The following GALNTL6 variants were observed in gnomAD, a reference collection of about 807,000 sequenced individuals.
GALNTL6 encodes the protein polypeptide N-acetylgalactosaminyltransferase like 6, also known as polypeptide N-acetylgalactosaminyltransferase-like 6.
GALNTL6 carries 46 observed loss-of-function variants against 73.7 expected under a neutral mutation model. The observed-to-expected ratio is 0.62, with a 90% CI of 0.49 to 0.80. The LOEUF (loss-of-function observed/expected upper bound fraction) is 0.80, where lower values mean the gene tolerates loss of function less well. Ranked by LOEUF, GALNTL6 falls within the 30% of genes least tolerant of loss-of-function variation. GALNTL6 has a pLI of 0.00. For missense variants in GALNTL6, 604 were observed against 755.0 expected, an observed-to-expected ratio of 0.80 and a Z score of 2.34; for synonymous variants, 259 against 263.7, an observed-to-expected ratio of 0.98 and a Z score of 0.17.
At chr4:172,429,193 A>G (rs934293046) in intron 5 of GALNTL6, among the ~76,000 whole-genome samples, 3 of 141,930 alleles carry the variant, frequency 2.1e-5, no homozygotes, top group Non-Finnish European at 4.5e-5. Context: ...ATTTTATTTT[A>G]TATTATTTTA....
intron 2 of GALNTL6, among the ~76,000 whole-genome samples, chr4:171,820,513 T>C: frequency 6.6e-6 from 1 of 152,234 alleles, no homozygotes; most frequent in East Asian, 1.9e-4. Context: ...CACCCAACTG[T>C]TTTGTTTTCA....
intron 5 of GALNTL6, among the ~76,000 whole-genome samples, chr4:172,420,473 T>C (rs756086592): frequency 1.8e-4 from 28 of 152,218 alleles, no homozygotes; most frequent in Non-Finnish European, 3.7e-4. Context: ...TTTAAGTGAT[T>C]TAGTATGAAT....
intron 5 of GALNTL6, among the ~76,000 whole-genome samples, chr4:172,421,366 T>G (rs1731048031): frequency 6.6e-6 from 1 of 152,032 alleles, no homozygotes; most frequent in Non-Finnish European, 1.5e-5. Context: ...GCTCAGTAAT[T>G]GATAGCTATA....
chr4:172,594,237 T>A (rs531075672), intron 5 of GALNTL6, among the ~76,000 whole-genome samples: 29 of 151,886 alleles, frequency 1.9e-4, no homozygotes, highest in Non-Finnish European at 3.8e-4. Context: ...TCCCAGCTAC[T>A]CGGGAGGCTG....
intron 5 of GALNTL6, among the ~76,000 whole-genome samples, chr4:172,756,395 G>A (rs954444807): frequency 4.0e-4 from 61 of 152,266 alleles, no homozygotes; most frequent in African/African-American, 1.3e-3. Context: ...TGTAATCCCA[G>A]CATTTTAGGA....
chr4:172,416,352 C>T (rs1334887573), intron 5 of GALNTL6, among the ~76,000 whole-genome samples: 2 of 152,152 alleles, frequency 1.3e-5, no homozygotes, highest in Non-Finnish European at 2.9e-5. Flanking sequence ...AGAATTCCGG[C>T]TTACATCTAG....
intron 5 of GALNTL6, among the ~76,000 whole-genome samples, chr4:172,539,483 T>TGTC (rs939797872): frequency 3.3e-5 from 5 of 152,148 alleles, no homozygotes; most frequent in Non-Finnish European, 7.4e-5. Flanking sequence ...GGGGAAGATA[T>TGTC]GTCTCTCTTT....
intron 5 of GALNTL6, among the ~76,000 whole-genome samples, chr4:172,408,976 ACT>A (rs1332700846): frequency 6.6e-6 from 1 of 151,974 alleles, no homozygotes; most frequent in African/African-American, 2.4e-5. Context: ...TATACACTGT[ACT>A]CTGTTCCTTA....
chr4:172,708,832 G>A (rs1372193739), intron 5 of GALNTL6, among the ~76,000 whole-genome samples: 1 of 152,068 alleles, frequency 6.6e-6, no homozygotes, highest in East Asian at 1.9e-4. Context: ...CTTCATCCAA[G>A]TTTTCTTTTT....
chr4:172,418,133 T>C (rs1322847888), intron 5 of GALNTL6, among the ~76,000 whole-genome samples: 1 of 152,210 alleles, frequency 6.6e-6, no homozygotes, highest in East Asian at 1.9e-4. Context: ...AAGTTTTCAC[T>C]ATGCCAAATT....
rs570059968 is a variant in GALNTL6 at position 173,013,320 on chromosome 4, C to A, written c.1488+4026C>A. 3.3e-5 allele frequency among the ~76,000 whole-genome samples: 5 copies of A among 152,230 alleles called. No individual in the cohort carries two copies. The South Asian group carries it at 1.0e-3, about 32-fold the overall frequency. Reference sequence around the variant, plus strand: ...ATAAGGAAAAGCTTCATTTCTTGGGCTAAATTCCTCTCTACCATCTCTATT... The same window carrying A: ...ATAAGGAAAAGCTTCATTTCTTGGGATAAATTCCTCTCTACCATCTCTATT... On this transcript the variant is annotated intron_variant, in intron 11 of 12. Coordinates refer to ENST00000506823, the MANE Select transcript of GALNTL6 (RefSeq NM_001034845.3).
chr4:172,365,182 TCA>T (rs1196639370), intron 5 of GALNTL6, among the ~76,000 whole-genome samples: 1 of 152,150 alleles, frequency 6.6e-6, no homozygotes, highest in Non-Finnish European at 1.5e-5. Context: ...AGAGAGCATA[TCA>T]CAGTCTTGCA....
At chr4:172,902,588 A>G (rs950591594) in intron 8 of GALNTL6, among the ~76,000 whole-genome samples, 1 of 152,194 alleles carries the variant, frequency 6.6e-6, no homozygotes, top group African/African-American at 2.4e-5. Context: ...TCAGCAAGGC[A>G]GAAACATCCA....
In GALNTL6 at chr4:172,550,704, C is replaced by T. The variant is rs576980566; in HGVS notation, c.553+202015C>T. ...CCTCAAACTCCTGGGCTCCAGCCATCCCCCAGCCTCAGCCTCTCATGTAGG... is the reference window on the plus strand; with the variant it reads ...CCTCAAACTCCTGGGCTCCAGCCATTCCCCAGCCTCAGCCTCTCATGTAGG... On this transcript the variant is annotated intron_variant, in intron 5 of 12. Transcript: ENST00000506823. Among the ~76,000 whole-genome samples, 39 of 152,242 alleles carry T rather than the reference C, an allele frequency of 2.6e-4. No individual in the cohort carries two copies. The South Asian group carries it at 7.9e-3, about 31-fold the overall frequency.
chr4:172,398,100 C>G (rs1398636517), intron 5 of GALNTL6, among the ~76,000 whole-genome samples: 1 of 152,016 alleles, frequency 6.6e-6, no homozygotes, highest in Non-Finnish European at 1.5e-5. Context: ...TCTTCATCAC[C>G]ATACTGTTAG....
At chr4:172,874,951 G>T (rs536752339) in intron 7 of GALNTL6, among the ~76,000 whole-genome samples, 2 of 152,212 alleles carry the variant, frequency 1.3e-5, no homozygotes, top group African/African-American at 4.8e-5. Context: ...CACTCCAGGG[G>T]ACTAGCAGCA....
intron 9 of GALNTL6, among the ~76,000 whole-genome samples, chr4:172,934,705 C>T (rs1374657467): frequency 6.6e-6 from 1 of 152,176 alleles, no homozygotes; most frequent in African/African-American, 2.4e-5. Flanking sequence ...AAGGGATGCT[C>T]ATGTCTAGAG....
rs183888862 is a variant in GALNTL6 at position 172,054,808 on chromosome 4, C to A, written c.139-174848C>A. On this transcript the variant is annotated intron_variant, in intron 2 of 12. Transcript: ENST00000506823. ...TTGTCAAACTCATATTGTCCAACTA[C>A]TGAACTTCGAAACAAATGAGAAGTC... 2.0e-5 allele frequency among the ~76,000 whole-genome samples: 3 copies of A among 152,262 alleles called. No individual in the cohort carries two copies. In the East Asian group the frequency reaches 5.8e-4, roughly 29 times the overall value.
intron 2 of GALNTL6, among the ~76,000 whole-genome samples, chr4:171,877,013 T>A (rs917749532): frequency 6.6e-6 from 1 of 152,144 alleles, no homozygotes; most frequent in Non-Finnish European, 1.5e-5. Flanking sequence ...GTTTCCTTAA[T>A]CCCAGTGAGC....
Sources: allele counts gnomAD v4.1 joint callset (sites outside exome capture counted in the v4.1 genomes callset), GRCh38; gene constraint gnomAD v4.1.1; transcripts MANE v1.5; gene names NCBI Gene and HGNC (gene_info 2026-07-23, HGNC 2026-07-21).